The following GRM8 variants were observed in gnomAD, a reference collection of about 807,000 sequenced individuals.
The protein encoded by GRM8 is metabotropic glutamate receptor 8.
In GRM8, 47 loss-of-function variants were observed where a neutral mutation model predicts 87.2. That is an observed-to-expected ratio of 0.54 (90% CI 0.43 to 0.69). GRM8 has a LOEUF of 0.69. Among genes scored for constraint, GRM8 ranks in the 30% least tolerant of loss-of-function variants. GRM8 has a pLI of 0.00. For synonymous variants in GRM8, 396 were observed against 404.5 expected (o/e 0.98, Z 0.25); for missense variants, 1,019 against 1,139.2 (o/e 0.89, Z 1.52).
At chr7:126,647,453 T>C (rs1213856814) in intron 7 of GRM8, among the ~76,000 whole-genome samples, 6 of 152,042 alleles carry the variant, frequency 3.9e-5, no homozygotes, top group Non-Finnish European at 7.4e-5. Context: ...CAATGAAAAA[T>C]TCTAGTCAAA....
At chr7:127,118,790 T>C (rs1269654773) in intron 2 of GRM8, among the ~76,000 whole-genome samples, 3 of 152,174 alleles carry the variant, frequency 2.0e-5, no homozygotes, top group African/African-American at 4.8e-5. Flanking sequence ...AATTCTTCAG[T>C]AGCTTTTTTT....
chr7:126,883,715 T>C (rs963842137), intron 6 of GRM8, among the ~76,000 whole-genome samples: 2 of 152,164 alleles, frequency 1.3e-5, no homozygotes, highest in African/African-American at 4.8e-5. Flanking sequence ...GCCAGAATCA[T>C]GCAAAGCAGA....
chr7:126,588,994 C>A (rs1422467111), intron 8 of GRM8, among the ~76,000 whole-genome samples: 1 of 152,170 alleles, frequency 6.6e-6, no homozygotes, highest in African/African-American at 2.4e-5. Flanking sequence ...GAAGCCATTT[C>A]TGACTTTGTC....
At chr7:127,072,882 C>CT (rs909292545) in intron 3 of GRM8, among the ~76,000 whole-genome samples, 9 of 151,636 alleles carry the variant, frequency 5.9e-5, no homozygotes, top group East Asian at 1.9e-4. Flanking sequence ...TTCTAGTTCA[C>CT]TTTTTTTTAT....
At position 126,599,479 on chromosome 7, in the gene GRM8, A is replaced by T. The variant is rs79389836; in HGVS notation, c.1494+9883T>A. Among the ~76,000 whole-genome samples, 256 of 152,278 alleles carry T rather than the reference A, an allele frequency of 1.7e-3. 2 individuals carry two copies. Among genetic ancestry groups the T allele is most frequent in the African/African-American group, 6.0e-3 (249 of 41,580 alleles). ...TTTATTAATTTATTCATGAACATTT[A>T]GTAAGTCCCATATTATACTAATCAT... On this transcript the variant is annotated intron_variant, in intron 8 of 10. Coordinates refer to ENST00000339582, the MANE Select transcript of GRM8 (RefSeq NM_000845.3).
chr7:127,184,902 C>T lies in GRM8; in HGVS notation c.510+57793G>A, dbSNP rs1794653719. Reference sequence around the variant, plus strand: ...GCAATGGCACCCCAAAAATGAAATACTTAGGTATAAAGTCTCAGAAAATAT... The same window carrying T: ...GCAATGGCACCCCAAAAATGAAATATTTAGGTATAAAGTCTCAGAAAATAT... On this transcript the variant is annotated intron_variant, in intron 2 of 10. Transcript: ENST00000339582. Among the ~76,000 whole-genome samples, 4 of 151,814 alleles carry T rather than the reference C, an allele frequency of 2.6e-5. No individual in the cohort carries two copies. The South Asian group carries it at 8.3e-4, about 31-fold the overall frequency.
chr7:126,458,863 A>C (rs1803563681), intron 9 of GRM8, among the ~76,000 whole-genome samples: 1 of 151,338 alleles, frequency 6.6e-6, no homozygotes, highest in Non-Finnish European at 1.5e-5. Flanking sequence ...AACTATTTAG[A>C]AATTGAATAA....
intron 8 of GRM8, among the ~76,000 whole-genome samples, chr7:126,589,124 CT>C (rs756384808): frequency 2.6e-5 from 4 of 152,152 alleles, no homozygotes; most frequent in Non-Finnish European, 2.9e-5. Context: ...TTGGACAGAA[CT>C]TGGGGGAGAG....
intron 7 of GRM8, among the ~76,000 whole-genome samples, chr7:126,732,691 A>AT (rs1448541814): frequency 6.6e-6 from 1 of 152,174 alleles, no homozygotes; most frequent in Non-Finnish European, 1.5e-5. Context: ...ATGTTACAGC[A>AT]TATCACAAAA....
intron 6 of GRM8, among the ~76,000 whole-genome samples, chr7:126,847,345 A>G (rs937405868): frequency 6.6e-6 from 1 of 152,214 alleles, no homozygotes; most frequent in African/African-American, 2.4e-5. Context: ...ATACAAAGAT[A>G]AAAAGTGAGA....
At chr7:127,223,914 T>TAA (rs71177597) in intron 2 of GRM8, among the ~76,000 whole-genome samples, 29,375 of 133,372 alleles carry the variant, frequency 0.22, 3,189 homozygotes, top group Middle Eastern at 0.28. Context: ...AAATGAAATG[T>TAA]AAAAAAAAAA....
intron 6 of GRM8, among the ~76,000 whole-genome samples, chr7:126,846,419 T>C (rs1397249227): frequency 1.3e-5 from 2 of 152,264 alleles, no homozygotes; most frequent in Non-Finnish European, 2.9e-5. Flanking sequence ...AGTGTAATGG[T>C]ATCTTACCTT....
At chr7:126,942,047 T>C (rs544490592) in intron 3 of GRM8, among the ~76,000 whole-genome samples, 2 of 152,316 alleles carry the variant, frequency 1.3e-5, no homozygotes, top group Non-Finnish European at 2.9e-5. Flanking sequence ...GTTAACCTCA[T>C]GAATTGGGTA....
chr7:126,621,248 A>C (rs762994156), intron 7 of GRM8, among the ~76,000 whole-genome samples: 1 of 152,208 alleles, frequency 6.6e-6, no homozygotes, highest in Non-Finnish European at 1.5e-5. Flanking sequence ...TCTTACATGT[A>C]TCAATTACTC....
chr7:126,581,488 G>T (rs1410545125), intron 8 of GRM8, among the ~76,000 whole-genome samples: 1 of 152,120 alleles, frequency 6.6e-6, no homozygotes, highest in Non-Finnish European at 1.5e-5. Flanking sequence ...CTCAGGAAAT[G>T]AATAAGTTCA....
chr7:126,808,660 G>C (rs1319149354), intron 6 of GRM8, among the ~76,000 whole-genome samples: 1 of 152,070 alleles, frequency 6.6e-6, no homozygotes, highest in Non-Finnish European at 1.5e-5. Context: ...TAATCCTTGG[G>C]CTCTTGAGTA....
intron 2 of GRM8, among the ~76,000 whole-genome samples, chr7:127,145,773 T>A (rs1828522027): frequency 6.6e-6 from 1 of 152,070 alleles, no homozygotes; most frequent in Admixed American, 6.6e-5. Flanking sequence ...CTCTGAGGAT[T>A]ACTGGATTTA....
At chr7:127,177,231 C>T (rs1248702914) in intron 2 of GRM8, among the ~76,000 whole-genome samples, 1 of 152,104 alleles carries the variant, frequency 6.6e-6, no homozygotes, top group African/African-American at 2.4e-5. Flanking sequence ...CTGGCTTTCC[C>T]CCATTTCCCT....
At chr7:126,478,447 A>AT (rs1414691572) in intron 9 of GRM8, among the ~76,000 whole-genome samples, 2 of 151,974 alleles carry the variant, frequency 1.3e-5, no homozygotes, top group Middle Eastern at 3.4e-3. Context: ...GTCAGTTTCC[A>AT]TTTTTTTCCT....
Sources: gnomAD v4.1 joint callset for allele counts (sites outside exome capture counted in the v4.1 genomes callset) on GRCh38, gnomAD v4.1.1 for gene constraint, MANE v1.5 for transcripts, NCBI Gene and HGNC (gene_info 2026-07-23, HGNC 2026-07-21) for gene names.